The following FILIP1 variants were observed in gnomAD, a reference collection of about 807,000 sequenced individuals.
FILIP1 encodes the protein filamin A interacting protein 1, also known as filamin-A-interacting protein 1.
FILIP1 carries 61 observed loss-of-function variants against 102.1 expected under a neutral mutation model. The observed-to-expected ratio is 0.60, with a 90% CI of 0.49 to 0.74. The LOEUF (loss-of-function observed/expected upper bound fraction) is 0.74. FILIP1 is among the 30% of genes least tolerant of loss of function. FILIP1 has a pLI of 0.00. For synonymous variants in FILIP1, 491 were observed against 526.9 expected (o/e 0.93, Z 0.93); for missense variants, 1,314 against 1,441.2 (o/e 0.91, Z 1.43).
intron 1 of FILIP1, among the ~76,000 whole-genome samples, chr6:75,454,616 T>A (rs1778759745): frequency 6.6e-6 from 1 of 152,198 alleles, no homozygotes; most frequent in African/African-American, 2.4e-5. Flanking sequence ...TAACCAAAAT[T>A]ATGGATTCAA....
At chr6:75,455,426 G>C (rs920932898) in intron 1 of FILIP1, 13 of 151,864 alleles carry the variant, frequency 8.6e-5, no homozygotes, top group Non-Finnish European at 1.8e-4. Flanking sequence ...TTTTTATTGC[G>C]ATGTCCAAAC....
chr6:75,352,421 C>T (rs1774839010), intron 4 of FILIP1, among the ~76,000 whole-genome samples: 1 of 151,946 alleles, frequency 6.6e-6, no homozygotes, highest in African/African-American at 2.4e-5. Context: ...TTAAAAGATA[C>T]TGGGAAAAAA....
intron 1 of FILIP1, chr6:75,465,154 C>T (rs2149755888): frequency 5.7e-6 from 1 of 175,028 alleles, no homozygotes; most frequent in Non-Finnish European, 1.2e-5. Context: ...GGCTCTGGAG[C>T]AAAAGTCCCT....
chr6:75,372,711 AAGG>A (rs1282721889), intron 2 of FILIP1, among the ~76,000 whole-genome samples: 2 of 53,982 alleles, frequency 3.7e-5, no homozygotes, highest in African/African-American at 1.0e-4. Context: ...GAAAGAAAGA[AAGG>A]AAAGAAAGAG....
chr6:75,457,502 T>C (rs1778877023), intron 1 of FILIP1, among the ~76,000 whole-genome samples: 1 of 152,148 alleles, frequency 6.6e-6, no homozygotes, highest in South Asian at 2.1e-4. Flanking sequence ...AAGATTATCC[T>C]TCACCCCACT....
At chr6:75,483,425 G>A (rs546560423) in intron 1 of FILIP1, among the ~76,000 whole-genome samples, 3 of 152,256 alleles carry the variant, frequency 2.0e-5, no homozygotes, top group Non-Finnish European at 2.9e-5. Context: ...ACAAGACTAG[G>A]GGAAAGGTCA....
intron 6 of FILIP1, among the ~76,000 whole-genome samples, chr6:75,296,362 TG>T (rs1450640931): frequency 2.0e-5 from 3 of 151,030 alleles, no homozygotes; most frequent in Admixed American, 6.6e-5. Context: ...TGTGTGTGTG[TG>T]TGTGTGTGTG....
At chr6:75,439,915 T>C (rs538739326) in intron 1 of FILIP1, among the ~76,000 whole-genome samples, 2 of 152,342 alleles carry the variant, frequency 1.3e-5, no homozygotes, top group South Asian at 2.1e-4. Context: ...AGTCAACAAA[T>C]ATTTCTTGAG....
intron 1 of FILIP1, among the ~76,000 whole-genome samples, chr6:75,428,981 T>C (rs931264783): frequency 3.3e-5 from 5 of 152,194 alleles, no homozygotes; most frequent in Non-Finnish European, 7.4e-5. Context: ...GAGCATTTAC[T>C]AGCTAGTTTA....
At position 75,313,455 on chromosome 6, in the gene FILIP1, T is replaced by C. The variant is rs1283406083; in HGVS notation, c.2377A>G (p.Arg793Gly). 1 of 1,614,220 alleles carries C rather than the reference T, an allele frequency of 6.2e-7. No homozygotes were observed. Among genetic ancestry groups the C allele is most frequent in the Non-Finnish European group, 8.5e-7 (1 of 1,180,040 alleles). Residue 793 changes from arginine (R) to glycine (G), a missense_variant, in exon 5 of 6, where the codon AGA (arginine) becomes GGA (glycine). Around this residue, in one of 3 missense-constraint regions of FILIP1, gnomAD observed 816 missense variants for 913.1 expected, o/e 0.89. Coordinates refer to ENST00000237172, the MANE Select transcript of FILIP1 (RefSeq NM_015687.5). This position sits in a 1 kb window ranked among gnomAD's most constrained non-coding sequence, Gnocchi z 4.2. ...GTCACAGGAACATCCACCATTCTTC[T>C]TCCATTCACACTGGGCCTAAGAGCT... Reference protein sequence around the residue: ...SRALRPSVNGRRMVDVPVTST... With the variant: ...SRALRPSVNGGRMVDVPVTST...
rs1310204964 is a variant in FILIP1, at chr6:75,414,973, T to TC, written c.-2dup. 2.5e-6 allele frequency: 4 copies of TC among 1,613,064 alleles called. No homozygotes were observed. The African/African-American group carries it at 5.3e-5, about 22-fold the overall frequency. On this transcript the variant is annotated 5_prime_UTR_variant, in exon 2 of 6. Coordinates refer to ENST00000237172, the MANE Select transcript of FILIP1 (RefSeq NM_015687.5). ...CACCACCTTGGTTTCGAGATCTCAT[T>TC]CCCACCTACAACACATACATAAAAA...
At chr6:75,334,169 T>C (rs1302501132) in intron 4 of FILIP1, among the ~76,000 whole-genome samples, 1 of 152,178 alleles carries the variant, frequency 6.6e-6, no homozygotes, top group South Asian at 2.1e-4. Context: ...TTACAGTATA[T>C]AGAAAGGCTG....
At chr6:75,344,510 A>G (rs1774515272) in intron 4 of FILIP1, among the ~76,000 whole-genome samples, 1 of 152,260 alleles carries the variant, frequency 6.6e-6, no homozygotes, top group African/African-American at 2.4e-5. Context: ...GGGGTCAGTT[A>G]GCCTGAGCTA....
At chr6:75,372,693 AAG>A (rs58836979) in intron 2 of FILIP1, among the ~76,000 whole-genome samples, 1,701 of 41,050 alleles carry the variant, frequency 0.041, 37 homozygotes, top group African/African-American at 0.062. Context: ...AAGAGAAAGA[AAG>A]AGAAAGAAAG....
Position 75,302,461 on chromosome 6 carries a change from C to G in FILIP1, c.3493+6379G>C, listed in dbSNP as rs142678221. On this transcript the variant is annotated intron_variant, in intron 6 of 6. Coordinates refer to the FILIP1 transcript ENST00000393004. ...GTGCCAAGCTTTGTACAGCAGTGGA[C>G]AGGCCTTTAAACCCCAGGGTAGATT... Among the ~76,000 whole-genome samples, 3 of 152,254 alleles carry G rather than the reference C, an allele frequency of 2.0e-5. No individual in the cohort carries two copies. In the East Asian group the frequency reaches 5.8e-4, roughly 29 times the overall value.
At chr6:75,300,089 C>G (rs1306104258) in intron 6 of FILIP1, among the ~76,000 whole-genome samples, 1 of 152,062 alleles carries the variant, frequency 6.6e-6, no homozygotes, top group African/African-American at 2.4e-5. Context: ...TTATACTCTG[C>G]CAAACACTGC....
intron 1 of FILIP1, among the ~76,000 whole-genome samples, chr6:75,446,029 C>G (rs944734825): frequency 1.3e-5 from 2 of 152,040 alleles, no homozygotes; most frequent in Non-Finnish European, 2.9e-5. Flanking sequence ...GAACTAATGT[C>G]AAAATATATA....
At chr6:75,344,014 A>G (rs544414692) in intron 4 of FILIP1, among the ~76,000 whole-genome samples, 1 of 152,322 alleles carries the variant, frequency 6.6e-6, no homozygotes, top group African/African-American at 2.4e-5. Context: ...ATCATTGTTT[A>G]ACATACACCT....
At chr6:75,309,662 C>A (rs961715894) in intron 5 of FILIP1, among the ~76,000 whole-genome samples, 5 of 152,196 alleles carry the variant, frequency 3.3e-5, no homozygotes, top group African/African-American at 1.2e-4. Context: ...CCCCAGACAT[C>A]TTAAATATAA....
Sources: allele counts gnomAD v4.1 joint callset (sites outside exome capture counted in the v4.1 genomes callset), GRCh38; gene constraint gnomAD v4.1.1; regional missense constraint gnomAD v4.1.1; non-coding constraint Gnocchi (gnomAD v3.1); transcripts MANE v1.5; gene names NCBI Gene and HGNC (gene_info 2026-07-23, HGNC 2026-07-21).